The following HCN1 variants were observed in gnomAD, a reference collection of about 807,000 sequenced individuals.
The protein encoded by HCN1 is potassium/sodium hyperpolarization-activated cyclic nucleotide-gated channel 1.
A neutral mutation model predicts 78.9 loss-of-function variants in HCN1; 13 were observed. That is an observed-to-expected ratio of 0.16 (90% CI 0.11 to 0.26). The LOEUF (loss-of-function observed/expected upper bound fraction) is 0.26. Ranked by LOEUF, HCN1 falls within the 10% of genes least tolerant of loss-of-function variation. The pLI is 1.00. For missense variants in HCN1, 810 were observed against 1,154.3 expected (o/e 0.70, Z 4.32); for synonymous variants, 552 against 455.5 (o/e 1.21, Z -2.70).
intron 2 of HCN1, among the ~76,000 whole-genome samples, chr5:45,617,986 T>TGAGACTATAGCTTTTCCCTCCCCAACCC (rs1436829626): frequency 1.3e-5 from 2 of 152,018 alleles, no homozygotes; most frequent in Admixed American, 6.6e-5. Context: ...TCTGGTGAAA[T>TGAGACTATAGCTTTTCCCTCCCCAACCC]AACAAAGCGT....
intron 1 of HCN1, among the ~76,000 whole-genome samples, chr5:45,683,577 C>T (rs1739746985): frequency 6.6e-6 from 1 of 151,986 alleles, no homozygotes; most frequent in African/African-American, 2.4e-5. Context: ...CAAAACTAAA[C>T]CAGTTGTTTA....
intron 2 of HCN1, among the ~76,000 whole-genome samples, chr5:45,503,149 C>A (rs758539289): frequency 3.9e-5 from 6 of 152,116 alleles, no homozygotes; most frequent in Non-Finnish European, 7.4e-5. Context: ...TGTTTTGCAA[C>A]CTTTAATAAA....
intron 6 of HCN1, among the ~76,000 whole-genome samples, chr5:45,276,128 T>C (rs1360905715): frequency 2.0e-5 from 3 of 152,098 alleles, no homozygotes; most frequent in African/African-American, 4.8e-5. Context: ...AGGCAATATA[T>C]TCACCAGATA....
At chr5:45,589,865 A>G (rs1435858710) in intron 2 of HCN1, among the ~76,000 whole-genome samples, 1 of 152,198 alleles carries the variant, frequency 6.6e-6, no homozygotes, top group Non-Finnish European at 1.5e-5. Context: ...TAAAGGTGAC[A>G]TCTCCCTGAT....
chr5:45,516,953 A>T (rs1433084428), intron 2 of HCN1, among the ~76,000 whole-genome samples: 1 of 151,980 alleles, frequency 6.6e-6, no homozygotes, highest in Non-Finnish European at 1.5e-5. Flanking sequence ...GTTTCTCAGG[A>T]TAATATTCAG....
chr5:45,580,585 C>A (rs1744043843), intron 2 of HCN1, among the ~76,000 whole-genome samples: 1 of 151,936 alleles, frequency 6.6e-6, no homozygotes. Context: ...ATGTGCACAA[C>A]CTGCAGGTTT....
At chr5:45,508,598 C>G (rs770449549) in intron 2 of HCN1, among the ~76,000 whole-genome samples, 13 of 152,030 alleles carry the variant, frequency 8.6e-5, no homozygotes, top group Non-Finnish European at 1.6e-4. Context: ...AATCATGCCA[C>G]TGAAAAGCTT....
chr5:45,376,098 TATA>T lies in HCN1; in HGVS notation c.1230+20391_1230+20393del, dbSNP rs1329710655. ...ATAATATATATTATATTATATATAA[TATA>T]ATGTTTTATAATATATAATATGTTA... On this transcript the variant is annotated intron_variant, in intron 4 of 7. Transcript: ENST00000303230. Among the ~76,000 whole-genome samples, 15 of 110,728 alleles carry T rather than the reference TATA, an allele frequency of 1.4e-4. No individual in the cohort carries two copies. In the East Asian group the frequency reaches 1.9e-3, roughly 14 times the overall value. The allele number at this position is 110,728 out of a possible 152,430, so 72.6% of individuals were successfully genotyped here.
chr5:45,411,751 C>T (rs938633626), intron 3 of HCN1, among the ~76,000 whole-genome samples: 3 of 151,928 alleles, frequency 2.0e-5, no homozygotes, highest in African/African-American at 4.8e-5. Context: ...ATTAAATAGA[C>T]CCAGAAATGG....
intron 2 of HCN1, among the ~76,000 whole-genome samples, chr5:45,503,192 C>T (rs543893705): frequency 1.3e-5 from 2 of 152,116 alleles, no homozygotes; most frequent in African/African-American, 4.8e-5. Context: ...GCAAACATCA[C>T]AGATAGGGCA....
intron 4 of HCN1, among the ~76,000 whole-genome samples, chr5:45,372,480 A>C (rs1310202925): frequency 7.9e-6 from 1 of 126,962 alleles, no homozygotes; most frequent in Non-Finnish European, 1.6e-5. Context: ...AAAAATATAT[A>C]AAACATTTAC....
rs925330013 is a variant in HCN1 at position 45,524,341 on chromosome 5, A to C, written c.850-62334T>G. Among the ~76,000 whole-genome samples the C allele has an allele frequency of 1.2e-3, 186 of 151,902 alleles. 1 individual carries two copies. Among genetic ancestry groups the C allele is most frequent in the East Asian group, 7.4e-3 (38 of 5,126 alleles). ...TTGGCTTAGGATTGACTTGGCGATG[A>C]GGGCTCTTTTTTGGTTCCATATGAA... On this transcript the variant is annotated intron_variant, in intron 2 of 7. Transcript: ENST00000303230.
At chr5:45,333,791 T>C (rs974253244) in intron 5 of HCN1, among the ~76,000 whole-genome samples, 1 of 151,684 alleles carries the variant, frequency 6.6e-6, no homozygotes, top group African/African-American at 2.4e-5. Flanking sequence ...ACATGAACCT[T>C]CAAAGTGTTT....
rs935464080 is a variant in HCN1, at chr5:45,305,433, C to A, written c.1378-1594G>T. On this transcript the variant is annotated intron_variant, in intron 5 of 7. Transcript: ENST00000303230. ...AGATGAGAAAATATTTACAAATAAGCAACAATAATCAGAAAGTGAACCTAG... is the reference window on the plus strand; with the variant it reads ...AGATGAGAAAATATTTACAAATAAGAAACAATAATCAGAAAGTGAACCTAG... 1.3e-5 allele frequency among the ~76,000 whole-genome samples: 2 copies of A among 151,934 alleles called. 1 individual carries two copies. Among genetic ancestry groups the A allele is most frequent in the African/African-American group, 4.8e-5 (2 of 41,360 alleles).
At chr5:45,423,870 C>G (rs1203325413) in intron 3 of HCN1, among the ~76,000 whole-genome samples, 1 of 152,072 alleles carries the variant, frequency 6.6e-6, no homozygotes, top group East Asian at 1.9e-4. Flanking sequence ...TGTCTTCCTA[C>G]CTAAACCTCT....
chr5:45,392,767 CAG>C (rs1739609533), intron 4 of HCN1, among the ~76,000 whole-genome samples: 1 of 149,030 alleles, frequency 6.7e-6, no homozygotes, highest in Admixed American at 6.7e-5. Flanking sequence ...GTCTGGGCAA[CAG>C]AGCGAGACTC....
chr5:45,617,880 T>G (rs770043182), intron 2 of HCN1, among the ~76,000 whole-genome samples: 1 of 152,092 alleles, frequency 6.6e-6, no homozygotes, highest in Non-Finnish European at 1.5e-5. Context: ...AATGAGACTA[T>G]AGCTTTTCCC....
At chr5:45,422,746 A>C (rs995789830) in intron 3 of HCN1, among the ~76,000 whole-genome samples, 9 of 152,286 alleles carry the variant, frequency 5.9e-5, no homozygotes, top group African/African-American at 2.2e-4. Context: ...ACATCAGTTT[A>C]AAAAATATAT....
chr5:45,360,100 A>G (rs915662847), intron 4 of HCN1, among the ~76,000 whole-genome samples: 4 of 151,384 alleles, frequency 2.6e-5, no homozygotes, highest in African/African-American at 9.7e-5. Context: ...AGTAATTATT[A>G]GAAATATCAT....
Sources: gnomAD v4.1 joint callset for allele counts (sites outside exome capture counted in the v4.1 genomes callset) on GRCh38, gnomAD v4.1.1 for gene constraint, MANE v1.5 for transcripts, NCBI Gene and HGNC (gene_info 2026-07-23, HGNC 2026-07-21) for gene names.